SEPTIN9: variants seen among roughly 807,000 people sequenced by gnomAD.
SEPTIN9 encodes septin-9.
A neutral mutation model predicts 56.6 loss-of-function variants in SEPTIN9; 13 were observed. The ratio of observed to expected loss-of-function variants is 0.23; its 90% CI spans 0.15 to 0.37. The LOEUF (loss-of-function observed/expected upper bound fraction) is 0.37. Among genes scored for constraint, SEPTIN9 ranks in the 10% least tolerant of loss-of-function variants. The probability of loss-of-function intolerance (pLI) is 1.00; values close to 1 mark genes in which losing one functional copy is unlikely to be tolerated. For missense variants in SEPTIN9, 650 were observed against 823.1 expected (o/e 0.79, Z 2.57); for synonymous variants, 332 against 334.1 (o/e 0.99, Z 0.07).
chr17:77,397,440 C>T (rs1598307705), intron 2 of SEPTIN9, among the ~76,000 whole-genome samples: 1 of 152,186 alleles, frequency 6.6e-6, no homozygotes, highest in South Asian at 2.1e-4. Flanking sequence ...GATCCCTAAT[C>T]ACATCTGCAA....
chr17:77,447,925 A>G (rs2037804093), intron 3 of SEPTIN9, among the ~76,000 whole-genome samples: 1 of 152,206 alleles, frequency 6.6e-6, no homozygotes. Flanking sequence ...ACACCTGGCC[A>G]CATTCATTTC....
chr17:77,336,998 G>T (rs955833380), intron 2 of SEPTIN9, among the ~76,000 whole-genome samples: 48 of 128,478 alleles, frequency 3.7e-4, no homozygotes, highest in African/African-American at 1.1e-3. Context: ...TTTGCCCCCC[G>T]TTTTTTTTTT....
chr17:77,437,508 G>A lies in SEPTIN9; in HGVS notation c.721+34805G>A, dbSNP rs76738532. ...GTACTCTCGGGGGTCTCTCAGTGAGGTGGGAGGACCTCGAGAGGTCAGGAG... is the reference window on the plus strand; with the variant it reads ...GTACTCTCGGGGGTCTCTCAGTGAGATGGGAGGACCTCGAGAGGTCAGGAG... On this transcript the variant is annotated intron_variant, in intron 3 of 11. Transcript: ENST00000427177. This position sits in a 1 kb window ranked among gnomAD's most constrained non-coding sequence, Gnocchi z 5.3. Among the ~76,000 whole-genome samples, 4,074 of 151,954 alleles carry A rather than the reference G, an allele frequency of 0.027. 165 individuals are homozygous for A. Among genetic ancestry groups the A allele is most frequent in the African/African-American group, 0.09 (3,709 of 41,406 alleles).
chr17:77,455,966 C>G (rs2038183389), intron 3 of SEPTIN9, among the ~76,000 whole-genome samples: 1 of 152,210 alleles, frequency 6.6e-6, no homozygotes, highest in African/African-American at 2.4e-5. Context: ...TGAACACGAT[C>G]TCCCCCGGGG....
intron 2 of SEPTIN9, among the ~76,000 whole-genome samples, chr17:77,346,585 C>T (rs2033902517): frequency 6.6e-6 from 1 of 151,402 alleles, no homozygotes; most frequent in Non-Finnish European, 1.5e-5. Context: ...GACTTATGGC[C>T]CAGAATGTGT....
chr17:77,327,325 G>GAAC lies in SEPTIN9; in HGVS notation c.76+20128_76+20129insAAC, dbSNP rs1452588226. 3.3e-5 allele frequency among the ~76,000 whole-genome samples: 5 copies of GAAC among 152,120 alleles called. No individual in the cohort carries two copies. Among genetic ancestry groups the GAAC allele is most frequent in the Non-Finnish European group, 7.4e-5 (5 of 68,018 alleles). On this transcript the variant is annotated intron_variant, in intron 2 of 11. Coordinates refer to ENST00000427177, the MANE Select transcript of SEPTIN9 (RefSeq NM_001113491.2). This position sits in a 1 kb window ranked among gnomAD's most constrained non-coding sequence, Gnocchi z 5.0. ...AGCTTCCTGGCCCGTCTCTTGCTCT[G>GAAC]GGCACCCCCCCACTCCGAACGGCCA...
At chr17:77,347,149 G>T (rs190569077) in intron 2 of SEPTIN9, among the ~76,000 whole-genome samples, 1 of 152,198 alleles carries the variant, frequency 6.6e-6, no homozygotes, top group South Asian at 2.1e-4. Flanking sequence ...AGGCCAAGGC[G>T]GGTGGATCAC....
chr17:77,462,703 A>T (rs1209761688), intron 3 of SEPTIN9, among the ~76,000 whole-genome samples: 1 of 151,982 alleles, frequency 6.6e-6, no homozygotes, highest in Non-Finnish European at 1.5e-5. Context: ...GTGCAGTGGC[A>T]TGATCTCTGC....
chr17:77,340,564 T>G (rs1243223031), intron 2 of SEPTIN9, among the ~76,000 whole-genome samples: 1 of 152,196 alleles, frequency 6.6e-6, no homozygotes, highest in Non-Finnish European at 1.5e-5. Flanking sequence ...GGCCCTAGGA[T>G]TTTTGGAACG....
At chr17:77,340,201 C>A (rs1409446380) in intron 2 of SEPTIN9, among the ~76,000 whole-genome samples, 1 of 151,614 alleles carries the variant, frequency 6.6e-6, no homozygotes, top group Non-Finnish European at 1.5e-5. Context: ...AGTACAGTGG[C>A]ACGATCTCGG....
chr17:77,457,720 G>A (rs2144468745), intron 3 of SEPTIN9, among the ~76,000 whole-genome samples: 1 of 152,342 alleles, frequency 6.6e-6, no homozygotes, highest in East Asian at 1.9e-4. Flanking sequence ...CAGGGGTGGA[G>A]GTCTGGCCGA....
At position 77,288,214 on chromosome 17, in the gene SEPTIN9, G is replaced by A; in HGVS notation, c.19+6660G>A. On this transcript the variant is annotated intron_variant, in intron 1 of 11. Transcript: ENST00000427177. ...TGTGGCTTCAGTCTCTGTCCAGGTGGGTGCATTGCTCTCTTTCCGGCTCCT... is the reference window on the plus strand; with the variant it reads ...TGTGGCTTCAGTCTCTGTCCAGGTGAGTGCATTGCTCTCTTTCCGGCTCCT... The A allele has an allele frequency of 3.8e-6, 4 of 1,049,472 alleles. No individual in the cohort carries two copies. In the South Asian group the frequency reaches 1.8e-4, roughly 48 times the overall value. 65.0% of individuals were successfully genotyped at this position (1,049,472 alleles called of 1,614,324 possible). A position where few individuals can be genotyped will look rare whatever the true frequency, so the allele number is the denominator to read the frequency against.
In SEPTIN9 at chr17:77,329,901, C is replaced by T. The variant is rs534344653; in HGVS notation, c.76+22704C>T. Among the ~76,000 whole-genome samples, 1 of 152,320 alleles carries T rather than the reference C, an allele frequency of 6.6e-6. No homozygotes were observed. The highest frequency in any genetic ancestry group is 6.5e-5 in the Admixed American group (1 of 15,308). ...CCATCCCTGGGAGGGGTGAGCAGGA[C>T]AAGTGAGGTCTCCAGACTTGGGGTG... On this transcript the variant is annotated intron_variant, in intron 2 of 11. Coordinates refer to ENST00000427177, the MANE Select transcript of SEPTIN9 (RefSeq NM_001113491.2). The surrounding 1 kb of genome is among the most constrained non-coding windows in gnomAD (Gnocchi z 4.3).
intron 2 of SEPTIN9, among the ~76,000 whole-genome samples, chr17:77,368,721 A>C (rs1291403212): frequency 1.3e-5 from 2 of 152,364 alleles, no homozygotes; most frequent in East Asian, 3.9e-4. Flanking sequence ...GTTATGAAGG[A>C]AAAATTAAGC....
chr17:77,297,768 G>T (rs369549059), intron 1 of SEPTIN9, among the ~76,000 whole-genome samples: 1 of 152,244 alleles, frequency 6.6e-6, no homozygotes, highest in African/African-American at 2.4e-5. Context: ...GAAGGAAACA[G>T]AATCAATGAA....
intron 2 of SEPTIN9, among the ~76,000 whole-genome samples, chr17:77,331,298 C>T (rs1018006449): frequency 1.3e-5 from 2 of 152,178 alleles, no homozygotes; most frequent in African/African-American, 2.4e-5. Context: ...TATGTCACTG[C>T]GTCAGAGGGA....
intron 2 of SEPTIN9, among the ~76,000 whole-genome samples, chr17:77,384,004 A>G (rs2143987635): frequency 6.6e-6 from 1 of 152,350 alleles, no homozygotes; most frequent in South Asian, 2.1e-4. Flanking sequence ...ACTACATGCC[A>G]GGCAGGGTGC....
In SEPTIN9 at chr17:77,323,497, T is replaced by C. The variant is rs764265776; in HGVS notation, c.76+16300T>C. Among the ~76,000 whole-genome samples, 30 of 152,262 alleles carry C rather than the reference T, an allele frequency of 2.0e-4. No homozygotes were observed. Among genetic ancestry groups the C allele is most frequent in the South Asian group, 4.1e-4 (2 of 4,828 alleles). ...TGCAGGCAGGGGAAGTGGCCGTCTG[T>C]GCATGGTCATGAATGCAGGCCCGGG... On this transcript the variant is annotated intron_variant, in intron 2 of 11. Transcript: ENST00000427177. This position sits in a 1 kb window ranked among gnomAD's most constrained non-coding sequence, Gnocchi z 6.8.
At chr17:77,370,593 C>T (rs11868951) in intron 2 of SEPTIN9, among the ~76,000 whole-genome samples, 1 of 152,312 alleles carries the variant, frequency 6.6e-6, no homozygotes, top group Non-Finnish European at 1.5e-5. Flanking sequence ...TTTGGCCAGG[C>T]CTGCAGTCGG....
Sources: gnomAD v4.1 joint callset for allele counts (sites outside exome capture counted in the v4.1 genomes callset) on GRCh38, gnomAD v4.1.1 for gene constraint, Gnocchi (gnomAD v3.1) non-coding constraint, MANE v1.5 for transcripts, NCBI Gene and HGNC (gene_info 2026-07-23, HGNC 2026-07-21) for gene names.